Variants in RNLS observed in about 807,000 individuals in gnomAD.
RNLS encodes the protein renalase.
RNLS carries 39 observed loss-of-function variants against 39.8 expected under a neutral mutation model. The ratio of observed to expected loss-of-function variants is 0.98; its 90% confidence interval spans 0.76 to 1.28. The LOEUF (loss-of-function observed/expected upper bound fraction) is 1.28. Among genes scored for constraint, RNLS ranks in the 50% most tolerant of loss-of-function variants. The pLI, the probability that RNLS is intolerant of heterozygous loss-of-function variation, is 0.00. For missense variants in RNLS, 410 were observed against 413.3 expected (o/e 0.99, Z 0.07); for synonymous variants, 147 against 150.7 (o/e 0.98, Z 0.18).
the RNLS span, among the ~76,000 whole-genome samples, chr10:88,203,526 C>T: frequency 6.9e-6 from 1 of 144,574 alleles, no homozygotes; most frequent in Admixed American, 7.1e-5. Flanking sequence ...CTTAGACCAA[C>T]ATTTTAAAAG....
At chr10:88,445,150 T>C (rs1441448808) in intron 4 of RNLS, among the ~76,000 whole-genome samples, 1 of 151,492 alleles carries the variant, frequency 6.6e-6, no homozygotes, top group African/African-American at 2.4e-5. Context: ...CAGAAGAGAG[T>C]GAGGACCAAC....
intron 4 of RNLS, among the ~76,000 whole-genome samples, chr10:88,554,877 TA>T (rs1304853784): frequency 6.6e-6 from 1 of 152,098 alleles, no homozygotes; most frequent in Non-Finnish European, 1.5e-5. Flanking sequence ...TACAATACAA[TA>T]CAATAAAAAC....
chr10:88,260,733 A>T, the RNLS span, among the ~76,000 whole-genome samples: 2 of 152,202 alleles, frequency 1.3e-5, no homozygotes, highest in Non-Finnish European at 1.5e-5. Flanking sequence ...CATTGATACC[A>T]CTGGCAAAGA....
chr10:88,418,283 C>T lies in RNLS; in HGVS notation c.527-55558G>A, dbSNP rs1564784482. Among the ~76,000 whole-genome samples the T allele has an allele frequency of 6.6e-5, 10 of 152,014 alleles. No individual in the cohort carries two copies. In the South Asian group the frequency reaches 2.1e-3, roughly 32 times the overall value. On this transcript the variant is annotated intron_variant, in intron 4 of 6. Transcript: ENST00000331772. Reference sequence around the variant, plus strand: ...GGATAACTAACTTGGAGTTAAAGTTCAGGAAATAAAAGCTCAGAGGTAAAA... The same window carrying T: ...GGATAACTAACTTGGAGTTAAAGTTTAGGAAATAAAAGCTCAGAGGTAAAA...
chr10:88,476,145 C>T (rs4145084), intron 4 of RNLS, among the ~76,000 whole-genome samples: 26,957 of 152,054 alleles, frequency 0.18, 2,697 homozygotes, highest in Admixed American at 0.27. Flanking sequence ...ATCTAAGGAA[C>T]GGATGTGCTT....
chr10:88,264,084 T>G, the RNLS span, among the ~76,000 whole-genome samples: 2 of 152,198 alleles, frequency 1.3e-5, no homozygotes, highest in African/African-American at 4.8e-5. Flanking sequence ...GGTTTTCCAT[T>G]CCCTTAGTTA....
chr10:88,387,706 A>C (rs534634573), intron 4 of RNLS, among the ~76,000 whole-genome samples: 23 of 152,320 alleles, frequency 1.5e-4, no homozygotes, highest in Admixed American at 9.8e-4. Flanking sequence ...TAGTAAGAAA[A>C]ATAGTGCATG....
intron 4 of RNLS, among the ~76,000 whole-genome samples, chr10:88,401,326 A>AT (rs1354947519): frequency 6.6e-6 from 1 of 152,086 alleles, no homozygotes; most frequent in Non-Finnish European, 1.5e-5. Context: ...ACAGGTCTTT[A>AT]TAACATATAT....
intron 4 of RNLS, among the ~76,000 whole-genome samples, chr10:88,545,241 CTTTTCTAGAATA>C (rs2134303563): frequency 6.6e-6 from 1 of 152,060 alleles, no homozygotes; most frequent in African/African-American, 2.4e-5. Context: ...TTTATCTTCC[CTTTTCTAGAATA>C]CAGACCAAAA....
chr10:88,285,570 C>T (rs746508967), intron 6 of RNLS, 64 bp from the exon 7 acceptor site: 134 of 1,398,224 alleles, frequency 9.6e-5, no homozygotes, highest in Non-Finnish European at 1.3e-4. Context: ...CATGGCAACA[C>T]CCACCTGGAA....
intron 4 of RNLS, among the ~76,000 whole-genome samples, chr10:88,448,377 C>T (rs1842168419): frequency 6.6e-6 from 1 of 152,112 alleles, no homozygotes; most frequent in Admixed American, 6.5e-5. Context: ...GACATTTATG[C>T]AGCCAACAGA....
chr10:88,255,895 C>G, the RNLS span, among the ~76,000 whole-genome samples: 2 of 152,088 alleles, frequency 1.3e-5, no homozygotes, highest in Non-Finnish European at 2.9e-5. Context: ...GAAAGCAGCC[C>G]TGTGAGGATT....
intron 4 of RNLS, among the ~76,000 whole-genome samples, chr10:88,442,661 A>G (rs1384607674): frequency 1.3e-5 from 2 of 151,814 alleles, no homozygotes; most frequent in East Asian, 3.9e-4. Context: ...CTTTCCTCTC[A>G]ACAGTTCCTT....
the RNLS span, among the ~76,000 whole-genome samples, chr10:88,236,528 G>T: frequency 6.6e-6 from 1 of 152,158 alleles, no homozygotes; most frequent in Non-Finnish European, 1.5e-5. Flanking sequence ...GTGGTACCAA[G>T]GTAAATGGTT....
intron 5 of RNLS, among the ~76,000 whole-genome samples, chr10:88,336,705 A>G (rs1847528456): frequency 6.6e-6 from 1 of 152,244 alleles, no homozygotes; most frequent in Non-Finnish European, 1.5e-5. Flanking sequence ...CACCAGCAAT[A>G]TAAACTACCT....
intron 4 of RNLS, among the ~76,000 whole-genome samples, chr10:88,472,212 G>A (rs1281014526): frequency 6.6e-6 from 1 of 152,210 alleles, no homozygotes; most frequent in African/African-American, 2.4e-5. Flanking sequence ...AAGCAAAGCA[G>A]TGAGAAGGAG....
intron 6 of RNLS, among the ~76,000 whole-genome samples, chr10:88,287,266 C>A (rs1843337226): frequency 6.6e-6 from 1 of 152,030 alleles, no homozygotes; most frequent in Non-Finnish European, 1.5e-5. Context: ...TAAGAGTATC[C>A]TCTCATGTTT....
chr10:88,395,236 G>GA lies in RNLS; in HGVS notation c.527-32512dup, dbSNP rs35753713. ...AAAAGTATCAAGAACTTTAAAAGAT[G>GA]AAAAAAAAAAAAAACCTCTCTGAGG... On this transcript the variant is annotated intron_variant, in intron 4 of 6. Transcript: ENST00000331772. Among the ~76,000 whole-genome samples, 706 of 134,652 alleles carry GA rather than the reference G, an allele frequency of 5.2e-3. 1 individual carries two copies. The highest frequency in any genetic ancestry group is 7.7e-3 in the South Asian group (32 of 4,148). 88.3% of individuals were successfully genotyped at this position (134,652 alleles called of 152,430 possible).
intron 5 of RNLS, among the ~76,000 whole-genome samples, chr10:88,341,100 C>T (rs1387309964): frequency 4.7e-5 from 7 of 147,464 alleles, no homozygotes; most frequent in East Asian, 2.0e-4. Flanking sequence ...GAGGCCTAGG[C>T]GGGCGGATCA....
Sources: gnomAD v4.1 joint callset for allele counts (sites outside exome capture counted in the v4.1 genomes callset) on GRCh38, gnomAD v4.1.1 for gene constraint, MANE v1.5 for transcripts, NCBI Gene and HGNC (gene_info 2026-07-23, HGNC 2026-07-21) for gene names.